The following CAPSL variants were observed in gnomAD, a reference collection of about 807,000 sequenced individuals.
CAPSL encodes calcyphosin-like protein.
A neutral mutation model predicts 21.3 loss-of-function variants in CAPSL; 17 were observed. That is an observed-to-expected ratio of 0.80 (90% CI 0.55 to 1.20). The LOEUF is 1.20. CAPSL is among the 50% of genes most tolerant of loss of function. The probability of loss-of-function intolerance (pLI) is 0.00; values close to 1 mark genes in which losing one functional copy is unlikely to be tolerated. For missense variants in CAPSL, 289 were observed against 259.3 expected, an observed-to-expected ratio of 1.11 and a Z score of -0.79; for synonymous variants, 102 against 89.3, an observed-to-expected ratio of 1.14 and a Z score of -0.80.
intron 1 of CAPSL, among the ~76,000 whole-genome samples, chr5:35,928,392 G>C (rs1738737026): frequency 6.6e-6 from 1 of 152,178 alleles, no homozygotes; most frequent in African/African-American, 2.4e-5. Flanking sequence ...CTCCCGAAGA[G>C]ACTGAAATTG....
chr5:35,930,560 T>C (rs961176208), intron 1 of CAPSL, among the ~76,000 whole-genome samples: 9 of 152,188 alleles, frequency 5.9e-5, no homozygotes, highest in African/African-American at 2.2e-4. Flanking sequence ...AGCCTGAGAA[T>C]GATTGTCTCC....
chr5:35,912,049 C>T (rs892115855), intron 2 of CAPSL, among the ~76,000 whole-genome samples: 32 of 152,196 alleles, frequency 2.1e-4, no homozygotes, highest in Admixed American at 1.3e-3. Context: ...GCAAACGGCG[C>T]ACCAGGAGAT....
chr5:35,913,139 G>A (rs1251362833), intron 2 of CAPSL, among the ~76,000 whole-genome samples: 1 of 152,158 alleles, frequency 6.6e-6, no homozygotes. Context: ...GAAATGAAGT[G>A]AGAAGAGAAG....
At chr5:35,912,875 T>G (rs140881510) in intron 2 of CAPSL, among the ~76,000 whole-genome samples, 201 of 152,094 alleles carry the variant, frequency 1.3e-3, no homozygotes, top group African/African-American at 4.7e-3. Context: ...CTTTAACAAG[T>G]TGACAGAAGA....
At chr5:35,917,108 T>C (rs181717303) in intron 2 of CAPSL, among the ~76,000 whole-genome samples, 3 of 152,234 alleles carry the variant, frequency 2.0e-5, no homozygotes, top group Admixed American at 2.0e-4. Flanking sequence ...AAAAGACATA[T>C]GAAAAAATGC....
chr5:35,904,743 G>C, intron 4 of CAPSL, 97 bp from the exon 5 acceptor site: 3 of 1,501,772 alleles, frequency 2.0e-6, no homozygotes, highest in Admixed American at 2.2e-5. Flanking sequence ...GGAAATAGAG[G>C]ATTTCTTTGT....
intron 1 of CAPSL, among the ~76,000 whole-genome samples, chr5:35,930,503 G>A (rs979657023): frequency 1.3e-5 from 2 of 152,192 alleles, no homozygotes; most frequent in Non-Finnish European, 2.9e-5. Flanking sequence ...TGTTTAAAGA[G>A]GCACACAGTC....
chr5:35,920,324 C>T (rs897758950), intron 2 of CAPSL, among the ~76,000 whole-genome samples: 5 of 152,184 alleles, frequency 3.3e-5, no homozygotes, highest in African/African-American at 2.4e-5. Flanking sequence ...CTTGTTCACC[C>T]ACGGGTCCCT....
At position 35,917,436 on chromosome 5, in the gene CAPSL, A is replaced by G. The variant is rs1180377562; in HGVS notation, c.137+3548T>C. On this transcript the variant is annotated intron_variant, in intron 2 of 4. Coordinates refer to ENST00000651391, the MANE Select transcript of CAPSL (RefSeq NM_001042625.2). ...ACACACGTATGTTTATTGTGGCACT[A>G]TTCACAATAGCAAAGACTTGGAACC... 2.6e-5 allele frequency among the ~76,000 whole-genome samples: 4 copies of G among 152,332 alleles called. No individual in the cohort carries two copies. The East Asian group carries it at 5.8e-4, about 22-fold the overall frequency.
chr5:35,913,582 A>C (rs1029618290), intron 2 of CAPSL, among the ~76,000 whole-genome samples: 5 of 152,160 alleles, frequency 3.3e-5, no homozygotes, highest in Non-Finnish European at 7.3e-5. Flanking sequence ...AATTTTCAAC[A>C]CAGAATTTCG....
intron 1 of CAPSL, among the ~76,000 whole-genome samples, chr5:35,925,931 C>G (rs1055363044): frequency 6.6e-6 from 1 of 152,012 alleles, no homozygotes; most frequent in South Asian, 2.1e-4. Context: ...CAAAAATTAG[C>G]CGGTCATGAT....
At chr5:35,924,536 T>C (rs780598852) in intron 1 of CAPSL, among the ~76,000 whole-genome samples, 2 of 152,188 alleles carry the variant, frequency 1.3e-5, no homozygotes, top group Non-Finnish European at 2.9e-5. Context: ...GGCAGTTTAT[T>C]TCTGGAGTCT....
intron 2 of CAPSL, among the ~76,000 whole-genome samples, chr5:35,910,948 A>G (rs1738204868): frequency 6.6e-6 from 1 of 152,252 alleles, no homozygotes; most frequent in African/African-American, 2.4e-5. Flanking sequence ...ATGCATATCA[A>G]TTTTAAAAAA....
intron 4 of CAPSL, among the ~76,000 whole-genome samples, chr5:35,907,524 T>A (rs1760705818): frequency 6.6e-6 from 1 of 152,208 alleles, no homozygotes; most frequent in African/African-American, 2.4e-5. Flanking sequence ...AAGGAAAGTC[T>A]GTGTCACAGG....
At chr5:35,937,736 A>C (rs1359653836) in intron 1 of CAPSL, among the ~76,000 whole-genome samples, 1 of 152,170 alleles carries the variant, frequency 6.6e-6, no homozygotes, top group Non-Finnish European at 1.5e-5. Flanking sequence ...TTTTATCAGA[A>C]TATAAATACA....
intron 4 of CAPSL, among the ~76,000 whole-genome samples, chr5:35,907,710 G>C (rs1015358931): frequency 3.3e-4 from 51 of 152,284 alleles, no homozygotes; most frequent in African/African-American, 1.2e-3. Context: ...CCTTTAGCTA[G>C]GAGCTATGCT....
chr5:35,925,425 G>A (rs1317693263), intron 1 of CAPSL, among the ~76,000 whole-genome samples: 1 of 152,158 alleles, frequency 6.6e-6, no homozygotes, highest in Non-Finnish European at 1.5e-5. Context: ...CTCAGACTAA[G>A]GTGAGAGAGA....
At chr5:35,919,275 C>T (rs1351972935) in intron 2 of CAPSL, among the ~76,000 whole-genome samples, 2 of 150,894 alleles carry the variant, frequency 1.3e-5, no homozygotes, top group Non-Finnish European at 2.9e-5. Flanking sequence ...TGTGCTAACT[C>T]AGGAGTAGCC....
chr5:35,908,323 T>A (rs896642888), intron 4 of CAPSL, among the ~76,000 whole-genome samples: 21 of 152,202 alleles, frequency 1.4e-4, no homozygotes, highest in African/African-American at 5.1e-4. Flanking sequence ...GAGTTGGGTA[T>A]CAATACAGGG....
Sources: allele counts gnomAD v4.1 joint callset (sites outside exome capture counted in the v4.1 genomes callset), GRCh38; gene constraint gnomAD v4.1.1; transcripts MANE v1.5; gene names NCBI Gene and HGNC (gene_info 2026-07-23, HGNC 2026-07-21).